NOX4: variants seen among roughly 807,000 people sequenced by gnomAD.
NOX4 encodes the protein kidney oxidase-1.
A neutral mutation model predicts 87.6 loss-of-function variants in NOX4; 69 were observed. The observed-to-expected ratio is 0.79, with a 90% CI of 0.65 to 0.96. The LOEUF (loss-of-function observed/expected upper bound fraction) is 0.96, where lower values mean the gene tolerates loss of function less well. Among genes scored for constraint, NOX4 ranks in the 40% least tolerant of loss-of-function variants. The pLI is 0.00. For missense variants in NOX4, 680 were observed against 681.5 expected (o/e 1.00, Z 0.02); for synonymous variants, 275 against 238.2 (o/e 1.15, Z -1.42).
At chr11:89,466,229 A>C (rs1945687815) in intron 2 of NOX4, among the ~76,000 whole-genome samples, 1 of 152,232 alleles carries the variant, frequency 6.6e-6, no homozygotes, top group Non-Finnish European at 1.5e-5. Flanking sequence ...AAAATATTTT[A>C]AATGCCATTT....
chr11:89,359,313 T>A (rs1938330358), intron 12 of NOX4, among the ~76,000 whole-genome samples: 1 of 151,450 alleles, frequency 6.6e-6, no homozygotes, highest in African/African-American at 2.4e-5. Context: ...CAATCTCTAA[T>A]CCACCCCAAT....
intron 9 of NOX4, among the ~76,000 whole-genome samples, chr11:89,400,975 C>T (rs1206252217): frequency 6.6e-6 from 1 of 151,890 alleles, no homozygotes; most frequent in Non-Finnish European, 1.5e-5. Flanking sequence ...AATTTGGAAA[C>T]CATGACAGTT....
intron 5 of NOX4, among the ~76,000 whole-genome samples, chr11:89,443,200 C>G (rs1254124797): frequency 6.6e-6 from 1 of 152,034 alleles, no homozygotes; most frequent in Non-Finnish European, 1.5e-5. Context: ...AAGTTGCTGG[C>G]TATTTTGGTT....
intron 2 of NOX4, among the ~76,000 whole-genome samples, chr11:89,456,883 T>C (rs1460660493): frequency 6.6e-6 from 1 of 152,138 alleles, no homozygotes; most frequent in Non-Finnish European, 1.5e-5. Context: ...TGAGAGACTG[T>C]TGGACCTGGA....
Position 89,374,297 on chromosome 11 carries a change from A to G in NOX4, c.1075-805T>C, listed in dbSNP as rs189846989. Among the ~76,000 whole-genome samples, 20 of 152,298 alleles carry G rather than the reference A, an allele frequency of 1.3e-4. No homozygotes were observed. In the East Asian group the frequency reaches 3.9e-3, roughly 29 times the overall value. On this transcript the variant is annotated intron_variant, in intron 11 of 17. Transcript: ENST00000263317. Reference sequence around the variant, plus strand: ...AATATTTCTGTGTAAAAATTCACACATAAGCATTGTCCTACAGAATTATCC... The same window carrying G: ...AATATTTCTGTGTAAAAATTCACACGTAAGCATTGTCCTACAGAATTATCC...
chr11:89,581,710 A>G, the NOX4 span, among the ~76,000 whole-genome samples: 208 of 152,274 alleles, frequency 1.4e-3, 3 homozygotes, highest in African/African-American at 4.5e-3. Flanking sequence ...CACATTATTG[A>G]GGTATAATCT....
chr11:89,398,796 C>T (rs1427647266), intron 11 of NOX4, among the ~76,000 whole-genome samples: 1 of 151,830 alleles, frequency 6.6e-6, no homozygotes, highest in African/African-American at 2.4e-5. Context: ...AAATATCCAA[C>T]TTCAATGAGA....
chr11:89,389,358 C>T (rs527658523), intron 11 of NOX4, among the ~76,000 whole-genome samples: 1 of 152,242 alleles, frequency 6.6e-6, no homozygotes, highest in East Asian at 1.9e-4. Flanking sequence ...TGTGCCCTGT[C>T]TTTTGTACTT....
At chr11:89,345,764 C>T (rs1946190090) in intron 13 of NOX4, among the ~76,000 whole-genome samples, 1 of 151,870 alleles carries the variant, frequency 6.6e-6, no homozygotes, top group African/African-American at 2.4e-5. Context: ...TGGTAAAAAC[C>T]CTCAATAAAC....
chr11:89,525,383 G>T, the NOX4 span, among the ~76,000 whole-genome samples: 1 of 151,900 alleles, frequency 6.6e-6, no homozygotes, highest in Non-Finnish European at 1.5e-5. Context: ...TCAATATTTG[G>T]TATTATTATT....
intron 12 of NOX4, among the ~76,000 whole-genome samples, chr11:89,362,098 C>T (rs1164565117): frequency 1.3e-5 from 2 of 152,002 alleles, no homozygotes; most frequent in African/African-American, 4.8e-5. Context: ...TCTTCCTTCC[C>T]CCAAACCCTC....
chr11:89,370,568 T>C (rs1939364505), intron 12 of NOX4, among the ~76,000 whole-genome samples: 1 of 152,046 alleles, frequency 6.6e-6, no homozygotes, highest in South Asian at 2.1e-4. Flanking sequence ...ACCATATGTT[T>C]GAAACTGGAA....
At chr11:89,429,563 C>G (rs141740697) in intron 7 of NOX4, among the ~76,000 whole-genome samples, 17 of 152,128 alleles carry the variant, frequency 1.1e-4, no homozygotes, top group African/African-American at 3.9e-4. Flanking sequence ...AAACTACCAT[C>G]AGAGAATACT....
intron 2 of NOX4, among the ~76,000 whole-genome samples, chr11:89,486,608 A>G (rs536978227): frequency 7.0e-4 from 78 of 111,280 alleles, no homozygotes; most frequent in Admixed American, 8.1e-4. Flanking sequence ...ATACATATAT[A>G]TGTGTGTATA....
At chr11:89,587,943 C>T in the NOX4 span, among the ~76,000 whole-genome samples, 2 of 152,100 alleles carry the variant, frequency 1.3e-5, no homozygotes, top group African/African-American at 2.4e-5. Flanking sequence ...TATGTTTTCT[C>T]ATTGCAACAC....
At chr11:89,394,839 T>C (rs1941365265) in intron 11 of NOX4, among the ~76,000 whole-genome samples, 1 of 152,332 alleles carries the variant, frequency 6.6e-6, no homozygotes, top group East Asian at 1.9e-4. Flanking sequence ...AACTCATCTG[T>C]TTTTATGGCT....
chr11:89,343,398 G>A (rs1946085029), intron 13 of NOX4, among the ~76,000 whole-genome samples: 1 of 152,052 alleles, frequency 6.6e-6, no homozygotes. Context: ...TCCAGTATGA[G>A]CTGGGAAATG....
the NOX4 span, among the ~76,000 whole-genome samples, chr11:89,518,747 G>A: frequency 2.0e-5 from 3 of 151,968 alleles, no homozygotes; most frequent in African/African-American, 7.2e-5. Context: ...AAGGAAATAA[G>A]GTTGGTCCTT....
chr11:89,423,568 C>A (rs894878316), intron 7 of NOX4, among the ~76,000 whole-genome samples: 1 of 152,076 alleles, frequency 6.6e-6, no homozygotes, highest in Non-Finnish European at 1.5e-5. Context: ...AAGTCCCATT[C>A]TCTTTTAAGT....
Sources: allele counts gnomAD v4.1 joint callset (sites outside exome capture counted in the v4.1 genomes callset), GRCh38; gene constraint gnomAD v4.1.1; transcripts MANE v1.5; gene names NCBI Gene and HGNC (gene_info 2026-07-23, HGNC 2026-07-21).